COL22A1: variants seen among roughly 807,000 people sequenced by gnomAD.
COL22A1 encodes the protein collagen type XXII alpha 1 chain.
In COL22A1, 221 loss-of-function variants were observed where a neutral mutation model predicts 248.9. That is an observed-to-expected ratio of 0.89 (90% CI 0.80 to 0.99). The LOEUF (loss-of-function observed/expected upper bound fraction) is 0.99. COL22A1 is among the 50% of genes least tolerant of loss of function. The probability of loss-of-function intolerance (pLI) is 0.00; values close to 1 mark genes in which losing one functional copy is unlikely to be tolerated. For missense variants in COL22A1, 2,240 were observed against 2,179.0 expected (o/e 1.03, Z -0.56); for synonymous variants, 891 against 793.4 (o/e 1.12, Z -2.07).
At chr8:138,715,646 T>C (rs1462438187) in intron 30 of COL22A1, 36 bp downstream of exon 30, 2 of 1,500,408 alleles carry the variant, frequency 1.3e-6, no homozygotes, top group African/African-American at 1.4e-5. Context: ...CAACTAATAA[T>C]AATTGATGGT....
chr8:138,728,539 C>T lies in COL22A1; in HGVS notation c.2140-3099G>A, dbSNP rs572434504. On this transcript the variant is annotated intron_variant, in intron 23 of 64. Coordinates refer to ENST00000303045, the MANE Select transcript of COL22A1 (RefSeq NM_152888.3). The stretch of plus-strand genomic sequence containing the variant: ...GAGCCCAGGAAGCCGGCCCCCTGAC[C>T]AGCCCCTCGCTCTGGCCCTGCTTGC... Among the ~76,000 whole-genome samples the T allele has an allele frequency of 2.6e-5, 4 of 152,176 alleles. No individual in the cohort carries two copies. The East Asian group carries it at 7.7e-4, about 29-fold the overall frequency.
chr8:138,893,035 T>G (rs1825171197), intron 1 of COL22A1, among the ~76,000 whole-genome samples: 1 of 152,220 alleles, frequency 6.6e-6, no homozygotes, highest in Non-Finnish European at 1.5e-5. Flanking sequence ...CCTGCTGAGC[T>G]GTCTGTGATG....
intron 62 of COL22A1, among the ~76,000 whole-genome samples, chr8:138,595,560 G>T (rs548105783): frequency 1.3e-5 from 2 of 151,908 alleles, no homozygotes; most frequent in Non-Finnish European, 1.5e-5. Context: ...TCCTCTCATC[G>T]CCTCCTTCTC....
At chr8:138,689,284 C>T (rs780968256) in intron 36 of COL22A1, among the ~76,000 whole-genome samples, 7 of 152,146 alleles carry the variant, frequency 4.6e-5, no homozygotes, top group Non-Finnish European at 1.0e-4. Flanking sequence ...ACAGTGAACA[C>T]TCTGGGAAGA....
At chr8:138,821,572 G>T (rs551561955) in intron 6 of COL22A1, among the ~76,000 whole-genome samples, 161 bp from the exon 7 acceptor site, 1 of 152,138 alleles carries the variant, frequency 6.6e-6, no homozygotes, top group Admixed American at 6.5e-5. Flanking sequence ...GACAAATTCC[G>T]TCACACCTCT....
At chr8:138,912,882 A>G (rs1292223043) in intron 1 of COL22A1, among the ~76,000 whole-genome samples, 4 of 152,182 alleles carry the variant, frequency 2.6e-5, no homozygotes, top group African/African-American at 9.7e-5. Context: ...GATGGTTGAT[A>G]AGCATGTCCA....
At chr8:138,606,612 G>A (rs972408468) in intron 57 of COL22A1, among the ~76,000 whole-genome samples, 160 bp from the exon 58 acceptor site, 17 of 152,160 alleles carry the variant, frequency 1.1e-4, no homozygotes, top group African/African-American at 3.9e-4. Flanking sequence ...AAGACACGGG[G>A]TCTTGGGACT....
intron 47 of COL22A1, among the ~76,000 whole-genome samples, chr8:138,641,562 A>G (rs950279957): frequency 7.2e-5 from 11 of 152,194 alleles, no homozygotes; most frequent in African/African-American, 2.4e-4. Flanking sequence ...TCCAGACCCT[A>G]TATCTTAAAG....
At chr8:138,863,847 A>G (rs984710846) in intron 3 of COL22A1, among the ~76,000 whole-genome samples, 3 of 152,160 alleles carry the variant, frequency 2.0e-5, no homozygotes, top group African/African-American at 4.8e-5. Flanking sequence ...TCTATGCAGG[A>G]GATTTTTGCT....
chr8:138,648,092 G>T (rs1804616326), intron 46 of COL22A1, among the ~76,000 whole-genome samples: 1 of 152,198 alleles, frequency 6.6e-6, no homozygotes, highest in Admixed American at 6.5e-5. Context: ...TACAAGAAAT[G>T]CTGCAAATCA....
chr8:138,805,855 GGT>G (rs796486029), intron 10 of COL22A1, among the ~76,000 whole-genome samples: 1 of 129,086 alleles, frequency 7.7e-6, no homozygotes, highest in Non-Finnish European at 1.6e-5. Context: ...TATGTGTGAT[GGT>G]GTGTGTGAGA....
At chr8:138,759,960 AATATT>A (rs1221705865) in intron 18 of COL22A1, among the ~76,000 whole-genome samples, 1 of 151,780 alleles carries the variant, frequency 6.6e-6, no homozygotes, top group Non-Finnish European at 1.5e-5. Flanking sequence ...AATACATCTA[AATATT>A]ATATAACAGA....
intron 3 of COL22A1, among the ~76,000 whole-genome samples, chr8:138,853,941 G>A (rs1042270354): frequency 3.3e-5 from 5 of 152,234 alleles, no homozygotes; most frequent in African/African-American, 1.2e-4. Flanking sequence ...AGATGGTCAA[G>A]GGAAAGGGTA....
chr8:138,857,112 C>CCT (rs2131936080), intron 3 of COL22A1, among the ~76,000 whole-genome samples: 1 of 152,162 alleles, frequency 6.6e-6, no homozygotes, highest in South Asian at 2.1e-4. Flanking sequence ...GCTGGATCCG[C>CCT]CTGCACTCCT....
rs765595217 is a variant in COL22A1 at position 138,878,024 on chromosome 8, G to C, written c.384C>G (p.Ser128Arg). ...GGCGGCCGCCGGCGTGTGGGGAGAAGCTGCGGGCCGTGATGTAGCGGAGCG... is the reference window on the plus strand; with the variant it reads ...GGCGGCCGCCGGCGTGTGGGGAGAACCTGCGGGCCGTGATGTAGCGGAGCG... ...GDALRYITAR[S>R]FSPHAGGRPR... The change falls in exon 3 of 65, where the codon AGC becomes AGG. Residue 128 changes from serine to arginine, a missense_variant. Physicochemically the swap from Ser to Arg is moderately radical, Grantham distance 110. Transcript: ENST00000303045. 2.5e-6 allele frequency: 4 copies of C among 1,590,134 alleles called. No individual in the cohort carries two copies. The highest frequency in any genetic ancestry group is 3.4e-6 in the Non-Finnish European group (4 of 1,168,638).
chr8:138,870,634 T>C (rs549956949), intron 3 of COL22A1, among the ~76,000 whole-genome samples: 1 of 152,062 alleles, frequency 6.6e-6, no homozygotes, highest in Admixed American at 6.5e-5. Context: ...GGAGTGTCTG[T>C]GGTATACAGT....
intron 3 of COL22A1, among the ~76,000 whole-genome samples, chr8:138,863,362 C>T (rs1042836177): frequency 1.3e-5 from 2 of 152,172 alleles, no homozygotes; most frequent in African/African-American, 2.4e-5. Flanking sequence ...TGAGACAATT[C>T]TACTCTTCCC....
At chr8:138,643,792 C>T (rs1283028386) in intron 47 of COL22A1, among the ~76,000 whole-genome samples, 4 of 152,114 alleles carry the variant, frequency 2.6e-5, no homozygotes, top group African/African-American at 7.2e-5. Flanking sequence ...CTCTGTCTCC[C>T]GGGTTCAAGC....
chr8:138,598,672 T>C, intron 61 of COL22A1, 47 bp downstream of exon 61: 1 of 1,560,674 alleles, frequency 6.4e-7, no homozygotes, highest in Non-Finnish European at 8.7e-7. Context: ...TGGCTCCCCC[T>C]TAGGCCCCGA....
Sources: allele counts gnomAD v4.1 joint callset (sites outside exome capture counted in the v4.1 genomes callset), GRCh38; gene constraint gnomAD v4.1.1; transcripts MANE v1.5; gene names NCBI Gene and HGNC (gene_info 2026-07-23, HGNC 2026-07-21).